Variants in GRXCR2 observed in about 807,000 individuals in gnomAD.
The protein encoded by GRXCR2 is glutaredoxin and cysteine rich domain containing 2, also known as glutaredoxin domain-containing cysteine-rich protein 2.
In GRXCR2, 23 loss-of-function variants were observed where a neutral mutation model predicts 24.8. The observed-to-expected ratio is 0.93, with a 90% confidence interval of 0.67 to 1.32. GRXCR2 has a LOEUF of 1.32. GRXCR2 is among the 40% of genes most tolerant of loss of function. The pLI is 0.00. For synonymous variants in GRXCR2, 130 were observed against 116.1 expected (o/e 1.12, Z -0.77); for missense variants, 315 against 303.4 (o/e 1.04, Z -0.28).
intron 2 of GRXCR2, among the ~76,000 whole-genome samples, chr5:145,923,855 T>C (rs1757358438): frequency 6.6e-6 from 1 of 152,198 alleles, no homozygotes; most frequent in African/African-American, 2.4e-5. Context: ...TCCTGGTGGA[T>C]ATTTAAGTTA....
chr5:145,874,133 C>T (rs549403182), upstream of GRXCR2, among the ~76,000 whole-genome samples: 5 of 152,268 alleles, frequency 3.3e-5, no homozygotes, highest in East Asian at 1.9e-4. Context: ...TCACCATTTA[C>T]TGAGTTACCC....
chr5:145,868,056 T>G (rs913565000), intron 1 of GRXCR2, among the ~76,000 whole-genome samples: 5 of 152,290 alleles, frequency 3.3e-5, no homozygotes, highest in Admixed American at 1.3e-4. Context: ...TGGTTAAATA[T>G]GTTTACTTTC....
chr5:145,884,976 A>T (rs1756757719), intron 2 of GRXCR2, among the ~76,000 whole-genome samples: 1 of 152,212 alleles, frequency 6.6e-6, no homozygotes, highest in African/African-American at 2.4e-5. Context: ...TTGCAAATTG[A>T]GTATGAACAT....
intron 2 of GRXCR2, among the ~76,000 whole-genome samples, chr5:145,906,136 C>T (rs567315424): frequency 1.3e-5 from 2 of 152,222 alleles, no homozygotes; most frequent in Admixed American, 1.3e-4. Flanking sequence ...ATGTTTCTCC[C>T]TACAGAGGCA....
chr5:145,867,493 T>G (rs1756457081), intron 1 of GRXCR2, among the ~76,000 whole-genome samples: 1 of 152,224 alleles, frequency 6.6e-6, no homozygotes, highest in Non-Finnish European at 1.5e-5. Context: ...ATAAATAGAC[T>G]TCTAAAGCAT....
intron 2 of GRXCR2, among the ~76,000 whole-genome samples, chr5:145,880,019 G>A (rs1055401073): frequency 1.4e-4 from 22 of 152,188 alleles, no homozygotes; most frequent in Admixed American, 9.2e-4. Context: ...CAACGTACCA[G>A]AATCTCTGGG....
intron 2 of GRXCR2, among the ~76,000 whole-genome samples, chr5:145,890,062 C>T (rs894237396): frequency 2.0e-4 from 31 of 152,154 alleles, no homozygotes; most frequent in African/African-American, 7.2e-4. Flanking sequence ...ACCAATCTGA[C>T]AAAAATAAAG....
upstream of GRXCR2, among the ~76,000 whole-genome samples, chr5:145,877,609 T>A (rs954256237): frequency 6.6e-6 from 1 of 152,238 alleles, no homozygotes; most frequent in East Asian, 1.9e-4. Flanking sequence ...GATGGCCGAA[T>A]AGGAACAGCT....
intron 2 of GRXCR2, among the ~76,000 whole-genome samples, chr5:145,888,012 A>T (rs1192152641): frequency 6.6e-6 from 1 of 152,162 alleles, no homozygotes; most frequent in Non-Finnish European, 1.5e-5. Context: ...TTGGTTTTTT[A>T]AAGTTATATT....
At chr5:145,915,799 G>A (rs1457332107) in intron 2 of GRXCR2, among the ~76,000 whole-genome samples, 1 of 151,944 alleles carries the variant, frequency 6.6e-6, no homozygotes, top group Non-Finnish European at 1.5e-5. Flanking sequence ...GTGTGTCTTT[G>A]GACATTTCCT....
chr5:145,910,923 G>A (rs531049837), intron 2 of GRXCR2, among the ~76,000 whole-genome samples: 7 of 152,002 alleles, frequency 4.6e-5, no homozygotes, highest in South Asian at 4.2e-4. Context: ...GGATGAGGAC[G>A]CCAAGGCCCT....
intron 2 of GRXCR2, among the ~76,000 whole-genome samples, chr5:145,862,525 A>T (rs1413837329): frequency 1.3e-5 from 2 of 152,188 alleles, no homozygotes; most frequent in African/African-American, 4.8e-5. Flanking sequence ...TGTATCTTTT[A>T]AAATTATTCT....
chr5:145,870,250 A>G lies in GRXCR2; in HGVS notation c.336+2383T>C, dbSNP rs574716947. On this transcript the variant is annotated intron_variant, in intron 1 of 2. Transcript: ENST00000377976. ...ATGACTCTTCTTCTCCCCTGCCCCC[A>G]GCCCCTGCCAACCACCATTCTACTT... Among the ~76,000 whole-genome samples the G allele has an allele frequency of 7.2e-5, 11 of 152,086 alleles. No individual in the cohort carries two copies. In the South Asian group the frequency reaches 2.1e-3, roughly 29 times the overall value.
At chr5:145,921,611 C>T (rs758620167) in intron 2 of GRXCR2, among the ~76,000 whole-genome samples, 3 of 152,214 alleles carry the variant, frequency 2.0e-5, no homozygotes, top group Non-Finnish European at 2.9e-5. Context: ...GAATGGGATG[C>T]ATTGCCAGTT....
intron 2 of GRXCR2, among the ~76,000 whole-genome samples, chr5:145,901,296 AAAAGT>A (rs1274319774): frequency 6.6e-6 from 1 of 152,174 alleles, no homozygotes; most frequent in African/African-American, 2.4e-5. Flanking sequence ...CTGAATCTAA[AAAAGT>A]TGAAATGAAA....
At chr5:145,864,513 C>G (rs1490424995) in intron 2 of GRXCR2, among the ~76,000 whole-genome samples, 1 of 152,100 alleles carries the variant, frequency 6.6e-6, no homozygotes, top group Non-Finnish European at 1.5e-5. Context: ...AAGGGGGGAA[C>G]CTGGTGGAAG....
intron 2 of GRXCR2, among the ~76,000 whole-genome samples, chr5:145,912,346 C>T (rs1412786367): frequency 1.3e-5 from 2 of 152,026 alleles, no homozygotes; most frequent in African/African-American, 4.8e-5. Flanking sequence ...GGTTCTTAGC[C>T]CTGACCAGAG....
intron 2 of GRXCR2, among the ~76,000 whole-genome samples, chr5:145,895,443 G>C (rs2061280714): frequency 1.3e-5 from 2 of 152,114 alleles, no homozygotes; most frequent in South Asian, 4.1e-4. Context: ...AAAGTCTCAG[G>C]ATACAAAATC....
chr5:145,864,993 A>G lies in GRXCR2; in HGVS notation c.564+1508T>C, dbSNP rs147279184. ...TAGAAAGGAAGAGAGAAAAAAGTAG[A>G]TTTTAGAGAAATTGTGGAGAGGTAG... On this transcript the variant is annotated intron_variant, in intron 2 of 2. Coordinates refer to ENST00000377976, the MANE Select transcript of GRXCR2 (RefSeq NM_001080516.2). 7.8e-3 allele frequency among the ~76,000 whole-genome samples: 1,183 copies of G among 152,222 alleles called. 53 individuals carry two copies. The highest frequency in any genetic ancestry group is 0.064 in the Admixed American group (973 of 15,266).
Sources: allele counts gnomAD v4.1 joint callset (sites outside exome capture counted in the v4.1 genomes callset), GRCh38; gene constraint gnomAD v4.1.1; transcripts MANE v1.5; gene names NCBI Gene and HGNC (gene_info 2026-07-23, HGNC 2026-07-21).